PLPP4: variants seen among roughly 807,000 people sequenced by gnomAD.
PLPP4 encodes diacylglycerol pyrophosphate like 2.
In PLPP4, 20 loss-of-function variants were observed where a neutral mutation model predicts 32.2. The observed-to-expected ratio is 0.62, with a 90% CI of 0.44 to 0.90. The LOEUF (loss-of-function observed/expected upper bound fraction) is 0.90, where lower values mean the gene tolerates loss of function less well. PLPP4 is among the 40% of genes least tolerant of loss of function. The pLI is 0.00. For synonymous variants in PLPP4, 127 were observed against 133.0 expected (o/e 0.95, Z 0.31); for missense variants, 257 against 353.1 (o/e 0.73, Z 2.18).
chr10:120,586,000 T>C (rs1450249143), intron 6 of PLPP4, among the ~76,000 whole-genome samples: 1 of 152,252 alleles, frequency 6.6e-6, no homozygotes, highest in African/African-American at 2.4e-5. Context: ...TTTGAACTCG[T>C]ATGGGGAGAA....
intron 5 of PLPP4, among the ~76,000 whole-genome samples, 196 bp from the exon 6 acceptor site, chr10:120,574,935 T>C (rs936916302): frequency 6.6e-6 from 1 of 151,756 alleles, no homozygotes; most frequent in African/African-American, 2.4e-5. Context: ...CATATAACCC[T>C]GGAAGATTAT....
chr10:120,545,319 A>G (rs545954892), intron 5 of PLPP4, among the ~76,000 whole-genome samples: 4 of 152,158 alleles, frequency 2.6e-5, no homozygotes, highest in Non-Finnish European at 5.9e-5. Context: ...TTTTTTTCCC[A>G]TCTTTGTCTT....
Position 120,589,363 on chromosome 10 carries a change from A to T in PLPP4, c.677A>T (p.Tyr226Phe). The T allele has an allele frequency of 1.9e-6, 3 of 1,614,156 alleles. No homozygotes were observed. The highest frequency in any genetic ancestry group is 2.5e-6 in the Non-Finnish European group (3 of 1,180,038). ...GCATACATTTGCTACAGACAGCACT[A>T]TCCTCCTCTGGCCAACACAGCTTGC... ...IFAYICYRQH[Y>F]PPLANTACHK... is the part of the protein sequence containing the mutation. Residue 226 changes from tyrosine to phenylalanine, a missense_variant, in exon 7 of 7, where the codon TAT (tyrosine) becomes TTT (phenylalanine). Physicochemically the swap from Tyr to Phe is conservative, Grantham distance 22. Transcript: ENST00000398250.
chr10:120,568,857 G>A (rs1848803195), intron 5 of PLPP4, among the ~76,000 whole-genome samples: 1 of 152,184 alleles, frequency 6.6e-6, no homozygotes, highest in African/African-American at 2.4e-5. Context: ...CCAGTGCAAG[G>A]AGTAACATTT....
At chr10:120,487,732 G>GA (rs1200812898) in intron 1 of PLPP4, among the ~76,000 whole-genome samples, 1 of 152,070 alleles carries the variant, frequency 6.6e-6, no homozygotes, top group Non-Finnish European at 1.5e-5. Context: ...CATTTGGACA[G>GA]AAAAAAACTC....
At chr10:120,527,705 A>G (rs1474507416) in intron 5 of PLPP4, among the ~76,000 whole-genome samples, 2 of 152,058 alleles carry the variant, frequency 1.3e-5, no homozygotes, top group African/African-American at 4.8e-5. Context: ...GCTTTGCCTC[A>G]GTGTTATTAC....
At chr10:120,588,865 G>C (rs921761237) in intron 6 of PLPP4, among the ~76,000 whole-genome samples, 2 of 152,162 alleles carry the variant, frequency 1.3e-5, no homozygotes, top group South Asian at 4.1e-4. Flanking sequence ...GGCCAACAGG[G>C]TGAAACCCTG....
chr10:120,475,110 G>A (rs1843838283), intron 1 of PLPP4, among the ~76,000 whole-genome samples: 1 of 152,202 alleles, frequency 6.6e-6, no homozygotes, highest in South Asian at 2.1e-4. Context: ...TGGATACAAA[G>A]GGGATTGACA....
At chr10:120,520,453 G>A (rs950218106) in intron 4 of PLPP4, among the ~76,000 whole-genome samples, 9 of 152,182 alleles carry the variant, frequency 5.9e-5, no homozygotes, top group South Asian at 2.1e-4. Flanking sequence ...CTTATTTATC[G>A]TTCTCTTCAG....
At chr10:120,480,639 G>A (rs530782141) in intron 1 of PLPP4, among the ~76,000 whole-genome samples, 2 of 152,290 alleles carry the variant, frequency 1.3e-5, no homozygotes, top group South Asian at 4.1e-4. Flanking sequence ...CTGGCTTGAA[G>A]GCAGTTTGTG....
At chr10:120,481,413 T>C (rs1460959061) in intron 1 of PLPP4, among the ~76,000 whole-genome samples, 1 of 152,144 alleles carries the variant, frequency 6.6e-6, no homozygotes, top group African/African-American at 2.4e-5. Context: ...TTTAAAACCA[T>C]TGTAGCTCCA....
At chr10:120,519,430 C>G (rs897848340) in intron 4 of PLPP4, among the ~76,000 whole-genome samples, 2 of 151,714 alleles carry the variant, frequency 1.3e-5, no homozygotes, top group Admixed American at 6.6e-5. Context: ...CTAACTAACT[C>G]TAGCTGGCTG....
intron 1 of PLPP4, among the ~76,000 whole-genome samples, chr10:120,457,777 C>G (rs1847858436): frequency 6.6e-6 from 1 of 152,200 alleles, no homozygotes. Context: ...CGATTCCTCC[C>G]CGCTGTGCCC....
intron 4 of PLPP4, among the ~76,000 whole-genome samples, chr10:120,519,442 TG>T (rs906758890): frequency 6.6e-6 from 1 of 151,652 alleles, no homozygotes; most frequent in African/African-American, 2.4e-5. Context: ...AGCTGGCTGT[TG>T]GCCTGGGACA....
rs1234055180 is a variant in PLPP4 at position 120,589,474 on chromosome 10, T to C, written c.788T>C (p.Leu263Pro). The C allele has an allele frequency of 9.3e-6, 15 of 1,614,018 alleles. No individual in the cohort carries two copies. Among genetic ancestry groups the C allele is most frequent in the Admixed American group, 3.3e-5 (2 of 60,004 alleles). The part of the protein sequence containing the change: ...PTADSAPSLP[L>P]EGITEGPV ...GCTGACAGCGCACCCAGCTTGCCTC[T>C]GGAGGGGATCACCGAAGGCCCGGTA... Residue 263 changes from leucine to proline, a missense_variant, in exon 7 of 7, where the codon CTG (leucine) becomes CCG (proline). Physicochemically the swap from Leu to Pro is moderately conservative, Grantham distance 98. Transcript: ENST00000398250.
At chr10:120,572,369 T>C (rs1477551675) in intron 5 of PLPP4, among the ~76,000 whole-genome samples, 1 of 152,260 alleles carries the variant, frequency 6.6e-6, no homozygotes, top group African/African-American at 2.4e-5. Flanking sequence ...CCGGAGGTGC[T>C]GTAGGCAGTA....
At chr10:120,510,944 AC>A (rs1316812935) in intron 2 of PLPP4, among the ~76,000 whole-genome samples, 1 of 152,038 alleles carries the variant, frequency 6.6e-6, no homozygotes. Context: ...TCACACAGAC[AC>A]CTCTGCTGCA....
intron 1 of PLPP4, among the ~76,000 whole-genome samples, chr10:120,475,106 C>T (rs1416335887): frequency 1.3e-5 from 2 of 152,076 alleles, no homozygotes; most frequent in African/African-American, 4.8e-5. Flanking sequence ...ATCATGGATA[C>T]AAAGGGGATT....
chr10:120,559,368 T>A (rs1172798957), intron 5 of PLPP4, among the ~76,000 whole-genome samples: 1 of 152,104 alleles, frequency 6.6e-6, no homozygotes, highest in Non-Finnish European at 1.5e-5. Context: ...TATTTTTCTT[T>A]CGTGGATTTA....
Sources: allele counts gnomAD v4.1 joint callset (sites outside exome capture counted in the v4.1 genomes callset), GRCh38; gene constraint gnomAD v4.1.1; transcripts MANE v1.5; gene names NCBI Gene and HGNC (gene_info 2026-07-23, HGNC 2026-07-21).